SMIM13: variants seen among roughly 807,000 people sequenced by gnomAD.
SMIM13 encodes small integral membrane protein 13.
SMIM13 carries 3 observed loss-of-function variants against 5.9 expected under a neutral mutation model. That is an observed-to-expected ratio of 0.51 (90% CI 0.23 to 1.31). SMIM13 has a LOEUF of 1.31. SMIM13 is among the 40% of genes most tolerant of loss of function. The pLI is 0.18. For synonymous variants in SMIM13, 55 were observed against 46.0 expected (o/e 1.19, Z -0.79); for missense variants, 85 against 109.9 (o/e 0.77, Z 1.01).
intron 1 of SMIM13, among the ~76,000 whole-genome samples, chr6:11,101,107 T>G (rs1757985917): frequency 6.6e-6 from 1 of 152,108 alleles, no homozygotes. Flanking sequence ...GATTCTTTAA[T>G]TTTATCTTTT....
intron 1 of SMIM13, among the ~76,000 whole-genome samples, chr6:11,115,443 C>T (rs950026979): frequency 1.3e-5 from 2 of 152,144 alleles, no homozygotes; most frequent in African/African-American, 4.8e-5. Flanking sequence ...CAAGGTGGCT[C>T]ACCTCTTCAT....
In SMIM13 at chr6:11,094,002, G is replaced by GCTGGGGTCTCTGGGTGCCGCGGC. The variant is rs1757886720; in HGVS notation, c.-309_-287dup. The GCTGGGGTCTCTGGGTGCCGCGGC allele has an allele frequency of 6.6e-6, 1 of 152,408 alleles. No individual in the cohort carries two copies. Among genetic ancestry groups the GCTGGGGTCTCTGGGTGCCGCGGC allele is most frequent in the Non-Finnish European group, 1.5e-5 (1 of 68,202 alleles). 9.4% of individuals were successfully genotyped at this position (152,408 alleles called of 1,614,324 possible). A position where few individuals can be genotyped will look rare whatever the true frequency, so the allele number is the denominator to read the frequency against. On this transcript the variant is annotated 5_prime_UTR_variant, in exon 1 of 2. The change abolishes the stop of an existing upstream ORF in the 5' untranslated region. Coordinates refer to ENST00000416247, the MANE Select transcript of SMIM13 (RefSeq NM_001135575.2). Reference sequence around the variant, plus strand: ...GTCCGCCATGGAAGCGCATCCGACCGCTGGGGTCTCTGGGTGCCGCGGCCT... The same window carrying GCTGGGGTCTCTGGGTGCCGCGGC: ...GTCCGCCATGGAAGCGCATCCGACCGCTGGGGTCTCTGGGTGCCGCGGCCTGGGGTCTCTGGGTGCCGCGGCCT...
intron 1 of SMIM13, among the ~76,000 whole-genome samples, chr6:11,096,384 G>T (rs1289127272): frequency 6.6e-6 from 1 of 152,236 alleles, no homozygotes; most frequent in Non-Finnish European, 1.5e-5. Context: ...GCCTCCTGCA[G>T]GGAGGAGGGA....
At chr6:11,121,228 A>C (rs1758305407) in intron 1 of SMIM13, among the ~76,000 whole-genome samples, 1 of 151,774 alleles carries the variant, frequency 6.6e-6, no homozygotes, top group South Asian at 2.1e-4. Context: ...TTTGCCCCTC[A>C]CCTCTCCTTT....
chr6:11,108,589 C>G (rs1171382790), intron 1 of SMIM13, among the ~76,000 whole-genome samples: 2 of 152,156 alleles, frequency 1.3e-5, no homozygotes. Context: ...AAGGGATCTC[C>G]CTGGGGCCTG....
chr6:11,100,981 T>G (rs1757983900), intron 1 of SMIM13, among the ~76,000 whole-genome samples: 1 of 152,034 alleles, frequency 6.6e-6, no homozygotes, highest in African/African-American at 2.4e-5. Context: ...TTTCCTCATT[T>G]GTGGAGAAAT....
chr6:11,113,427 A>G (rs1432425019), intron 1 of SMIM13, among the ~76,000 whole-genome samples: 1 of 152,166 alleles, frequency 6.6e-6, no homozygotes. Context: ...TTCTGTGTAA[A>G]TCATCTTTAC....
intron 1 of SMIM13, among the ~76,000 whole-genome samples, chr6:11,106,201 A>T (rs1037463833): frequency 1.3e-5 from 2 of 152,090 alleles, no homozygotes; most frequent in Non-Finnish European, 1.5e-5. Context: ...GAATTTAGCT[A>T]CCTCCTGTGC....
chr6:11,105,265 C>A, intron 1 of SMIM13: 1 of 1,614,066 alleles, frequency 6.2e-7, no homozygotes, highest in Non-Finnish European at 8.5e-7. Flanking sequence ...TGGCGGTAGG[C>A]TGCTAGTGAA....
At chr6:11,110,950 G>A (rs1197912252) in intron 1 of SMIM13, among the ~76,000 whole-genome samples, 1 of 152,188 alleles carries the variant, frequency 6.6e-6, no homozygotes, top group Non-Finnish European at 1.5e-5. Context: ...AAGCCAGGGA[G>A]AAACATGGCC....
At chr6:11,128,233 G>A (rs1021981466) in intron 1 of SMIM13, among the ~76,000 whole-genome samples, 3 of 152,146 alleles carry the variant, frequency 2.0e-5, no homozygotes, top group Non-Finnish European at 4.4e-5. Flanking sequence ...TACTAAGCAG[G>A]CAATGCATCC....
chr6:11,120,558 T>C (rs1425272576), intron 1 of SMIM13, among the ~76,000 whole-genome samples: 2 of 152,178 alleles, frequency 1.3e-5, no homozygotes, highest in South Asian at 2.1e-4. Context: ...TACTGTCACA[T>C]TGGGGATTAA....
chr6:11,094,431 G>T, intron 1 of SMIM13, 42 bp downstream of exon 1: 1 of 1,453,922 alleles, frequency 6.9e-7, no homozygotes, highest in Non-Finnish European at 9.3e-7. Flanking sequence ...CACACGCCGG[G>T]TCGCTGATCT....
chr6:11,098,021 G>T (rs559395174), intron 1 of SMIM13, among the ~76,000 whole-genome samples: 1 of 152,080 alleles, frequency 6.6e-6, no homozygotes, highest in African/African-American at 2.4e-5. Context: ...AGATCAAGAG[G>T]CTCTGCTCTT....
chr6:11,132,733 G>T (rs776476117), intron 1 of SMIM13, among the ~76,000 whole-genome samples: 6 of 152,160 alleles, frequency 3.9e-5, no homozygotes, highest in Non-Finnish European at 5.9e-5. Flanking sequence ...AATCCATAGA[G>T]ACAGAGAGTA....
intron 1 of SMIM13, among the ~76,000 whole-genome samples, chr6:11,097,356 T>C (rs1757938928): frequency 6.6e-6 from 1 of 152,040 alleles, no homozygotes; most frequent in Non-Finnish European, 1.5e-5. Flanking sequence ...ATTACCTCTT[T>C]AAAAATCTTT....
intron 1 of SMIM13, chr6:11,105,440 A>G: frequency 3.0e-6 from 2 of 675,616 alleles, no homozygotes; most frequent in South Asian, 4.2e-5. Flanking sequence ...GGATCACCTT[A>G]CTTTGAGGTG....
intron 1 of SMIM13, among the ~76,000 whole-genome samples, chr6:11,096,106 AAG>A (rs1757918624): frequency 6.6e-6 from 1 of 152,254 alleles, no homozygotes; most frequent in Non-Finnish European, 1.5e-5. Flanking sequence ...ATTAAGGAAT[AAG>A]AGAGATGAGG....
chr6:11,119,579 G>A (rs953160324), intron 1 of SMIM13, among the ~76,000 whole-genome samples: 9 of 152,000 alleles, frequency 5.9e-5, no homozygotes, highest in South Asian at 2.1e-4. Context: ...GTGTGAACCC[G>A]GGAGGCGGAG....
Sources: allele counts gnomAD v4.1 joint callset (sites outside exome capture counted in the v4.1 genomes callset), GRCh38; gene constraint gnomAD v4.1.1; transcripts MANE v1.5; gene names NCBI Gene and HGNC (gene_info 2026-07-23, HGNC 2026-07-21).